The following EZR variants were observed in gnomAD, a reference collection of about 807,000 sequenced individuals.
EZR encodes cytovillin 2.
In EZR, 40 loss-of-function variants were observed where a neutral mutation model predicts 74.8. That is an observed-to-expected ratio of 0.53 (90% CI 0.42 to 0.70). The LOEUF is 0.70. EZR is among the 30% of genes least tolerant of loss of function. EZR has a pLI of 0.00. For synonymous variants in EZR, 341 were observed against 283.3 expected (o/e 1.20, Z -2.05); for missense variants, 678 against 755.8 (o/e 0.90, Z 1.21).
chr6:158,807,326 A>C (rs538586533), intron 2 of EZR, among the ~76,000 whole-genome samples: 148 of 151,764 alleles, frequency 9.8e-4, no homozygotes, highest in South Asian at 2.3e-3. Context: ...AAAAAAAAAA[A>C]AAAAAACAAA....
chr6:158,800,179 TAG>T (rs1562502639), intron 2 of EZR, among the ~76,000 whole-genome samples: 1 of 152,196 alleles, frequency 6.6e-6, no homozygotes, highest in African/African-American at 2.4e-5. Flanking sequence ...AAAACATTAT[TAG>T]AGAAGTAAAA....
intron 7 of EZR, among the ~76,000 whole-genome samples, chr6:158,779,171 A>T (rs768640339): frequency 2.6e-5 from 4 of 152,236 alleles, no homozygotes; most frequent in Non-Finnish European, 5.9e-5. Flanking sequence ...TGGAAGGGCA[A>T]AACAGCACTT....
At chr6:158,792,708 G>A (rs552743631) in intron 2 of EZR, among the ~76,000 whole-genome samples, 3 of 151,832 alleles carry the variant, frequency 2.0e-5, no homozygotes, top group African/African-American at 4.8e-5. Flanking sequence ...ACAGCTACTC[G>A]GGAGGCTGAG....
At position 158,783,481 on chromosome 6, in the gene EZR, C is replaced by G. The variant is rs781698282; in HGVS notation, c.698+39G>C. The G allele has an allele frequency of 1.0e-5, 16 of 1,570,812 alleles. No homozygotes were observed. The East Asian group carries it at 1.8e-4, about 18-fold the overall frequency. On this transcript the variant is annotated intron_variant, in intron 7 of 13. Coordinates refer to ENST00000367075, the MANE Select transcript of EZR (RefSeq NM_001111077.2). ...ATTTTGCCATTGTTTCCAGGCCCAC[C>G]ACCCTACCTACTGAAGATAACTGTG...
intron 4 of EZR, among the ~76,000 whole-genome samples, chr6:158,786,085 A>G (rs898860387): frequency 1.4e-5 from 2 of 147,000 alleles, no homozygotes; most frequent in African/African-American, 5.1e-5. Context: ...ACAAAAACAA[A>G]AAAACAGGCC....
At chr6:158,774,669 TCAAA>T (rs1365025894) in intron 8 of EZR, among the ~76,000 whole-genome samples, 50 of 73,654 alleles carry the variant, frequency 6.8e-4, no homozygotes, top group African/African-American at 2.7e-3. Flanking sequence ...GGACTTATCA[TCAAA>T]CACACACACA....
chr6:158,803,095 T>G (rs1777222943), intron 2 of EZR, among the ~76,000 whole-genome samples: 2 of 152,006 alleles, frequency 1.3e-5, no homozygotes, highest in Non-Finnish European at 2.9e-5. Flanking sequence ...GCACCACCAT[T>G]AGGCTAAACT....
At chr6:158,818,401 G>C (rs979525592) in intron 1 of EZR, among the ~76,000 whole-genome samples, 12 of 151,290 alleles carry the variant, frequency 7.9e-5, no homozygotes, top group Non-Finnish European at 1.2e-4. Flanking sequence ...CCAAGGGGCA[G>C]CCGGCGGGCA....
At chr6:158,818,014 C>G (rs1777598178) in intron 2 of EZR, 68 bp downstream of exon 2, 3 of 1,533,266 alleles carry the variant, frequency 2.0e-6, no homozygotes. Context: ...CCCAACACCT[C>G]GAGCAGGTGC....
intron 7 of EZR, among the ~76,000 whole-genome samples, chr6:158,783,220 C>T: frequency 7.4e-6 from 1 of 134,640 alleles, no homozygotes; most frequent in Non-Finnish European, 1.7e-5. Flanking sequence ...TACCTGCAGG[C>T]AGCTGGGGTG....
rs764679431 is a variant in EZR, at chr6:158,785,533, C to T, written c.243G>A (p.Arg81=). 1.2e-6 allele frequency: 2 copies of T among 1,614,030 alleles called. No individual in the cohort carries two copies. Among genetic ancestry groups the T allele is most frequent in the African/African-American group, 2.7e-5 (2 of 74,892 alleles). Residue 81 remains arginine, a synonymous_variant, in exon 5 of 14, where the codon CGG becomes CGA. Coordinates refer to ENST00000367075, the MANE Select transcript of EZR (RefSeq NM_001111077.2). ...CCACATCTTCAGGGTAGAACTTGGCCCGGAACTTGAACTGGAGGGGATTCT... is the reference window on the plus strand; with the variant it reads ...CCACATCTTCAGGGTAGAACTTGGCTCGGAACTTGAACTGGAGGGGATTCT... ...RKENPLQFKF[R]AKFYPEDVAE... is the part of the protein sequence containing the mutation.
chr6:158,770,830 G>T lies in EZR; in HGVS notation c.1024C>A (p.Arg342Ser). The stretch of plus-strand genomic sequence containing the variant: ...CGCAGCATCAACTCCTCCTTCTCGC[G>T]CATCATCTGCTCTTTCTCTCTCTCC... ...TVEREKEQMMREKEELMLRLQ... is the reference protein window; with the variant it reads ...TVEREKEQMMSEKEELMLRLQ... The change falls in exon 10 of 14, where the codon CGC (arginine) becomes AGC (serine). Residue 342 changes from arginine to serine, a missense_variant. Around this residue, in one of 3 missense-constraint regions of EZR, gnomAD observed 342 missense variants for 341.2 expected, o/e 1.00. Transcript: ENST00000367075. 6.2e-7 allele frequency: 1 copy of T among 1,614,116 alleles called. No homozygotes were observed. Among genetic ancestry groups the T allele is most frequent in the Non-Finnish European group, 8.5e-7 (1 of 1,180,022 alleles).
chr6:158,795,944 TAG>T (rs1291088544), intron 2 of EZR, among the ~76,000 whole-genome samples: 1 of 152,130 alleles, frequency 6.6e-6, no homozygotes, highest in African/African-American at 2.4e-5. Context: ...GATCTGCAGG[TAG>T]AGTTTGGACT....
intron 11 of EZR, 53 bp downstream of exon 11, chr6:158,769,731 C>G (rs1002046831): frequency 1.1e-5 from 17 of 1,601,000 alleles, no homozygotes; most frequent in Non-Finnish European, 1.4e-5. Flanking sequence ...ATTTTCCATC[C>G]TCAGAAGCAG....
At chr6:158,805,759 G>A (rs2128575544) in intron 2 of EZR, among the ~76,000 whole-genome samples, 1 of 152,054 alleles carries the variant, frequency 6.6e-6, no homozygotes, top group South Asian at 2.1e-4. Flanking sequence ...ATCTGAAATG[G>A]CATTATAATT....
intron 12 of EZR, 122 bp from the exon 13 acceptor site, chr6:158,767,634 T>G: frequency 6.6e-6 from 7 of 1,060,156 alleles, no homozygotes; most frequent in Non-Finnish European, 9.2e-6. Flanking sequence ...TGTGCTGGGC[T>G]GTGGCTTCGA....
In EZR at chr6:158,789,320, G is replaced by A; in HGVS notation, c.64C>T (p.Pro22Ser). Reference sequence around the variant, plus strand: ...AAAAGCTGTTTTCCAGTTGTATTTGGCTGGATTGCAAACTCCAGCTCTGCA... The same window carrying A: ...AAAAGCTGTTTTCCAGTTGTATTTGACTGGATTGCAAACTCCAGCTCTGCA... ...MDAELEFAIQ[P>S]NTTGKQLFDQ... The change falls in exon 3 of 14, where the codon CCA (proline) becomes TCA (serine). Residue 22 changes from proline (P) to serine (S), a missense_variant. Pro to Ser is a moderately conservative substitution (Grantham distance 74, BLOSUM62 -1). Transcript: ENST00000367075. 1.2e-6 allele frequency: 2 copies of A among 1,614,146 alleles called. No individual in the cohort carries two copies. Among genetic ancestry groups the A allele is most frequent in the African/African-American group, 1.3e-5 (1 of 75,048 alleles).
intron 2 of EZR, among the ~76,000 whole-genome samples, chr6:158,791,010 C>T (rs1001351288): frequency 9.2e-5 from 14 of 152,160 alleles, no homozygotes; most frequent in Non-Finnish European, 1.9e-4. Context: ...GTTTCGTTAT[C>T]CAGCCAGGGA....
intron 7 of EZR, among the ~76,000 whole-genome samples, chr6:158,779,626 C>T (rs1216455232): frequency 6.6e-6 from 1 of 152,096 alleles, no homozygotes; most frequent in Admixed American, 6.5e-5. Flanking sequence ...TGCAGTGGCA[C>T]AATCTTGGCT....
Sources: allele counts gnomAD v4.1 joint callset (sites outside exome capture counted in the v4.1 genomes callset), GRCh38; gene constraint gnomAD v4.1.1; regional missense constraint gnomAD v4.1.1; transcripts MANE v1.5; gene names NCBI Gene and HGNC (gene_info 2026-07-23, HGNC 2026-07-21).